FNDC3B: variants seen among roughly 807,000 people sequenced by gnomAD.
FNDC3B encodes fibronectin type III domain-containing protein 3B.
In FNDC3B, 12 loss-of-function variants were observed where a neutral mutation model predicts 151.5. The observed-to-expected ratio is 0.08, with a 90% confidence interval of 0.05 to 0.13. The LOEUF (loss-of-function observed/expected upper bound fraction) is 0.13, where lower values mean the gene tolerates loss of function less well. FNDC3B is among the 10% of genes least tolerant of loss of function. The probability of loss-of-function intolerance (pLI) is 1.00; values close to 1 mark genes in which losing one functional copy is unlikely to be tolerated. For synonymous variants in FNDC3B, 528 were observed against 549.0 expected (o/e 0.96, Z 0.54); for missense variants, 1,214 against 1,505.3 (o/e 0.81, Z 3.20).
At chr3:172,316,000 CTT>C (rs555242809) in intron 11 of FNDC3B, among the ~76,000 whole-genome samples, 5,748 of 79,476 alleles carry the variant, frequency 0.072, 133 homozygotes, top group East Asian at 0.25. Flanking sequence ...CTTTCTTCTT[CTT>C]TTTTTTTTTT....
intron 1 of FNDC3B, among the ~76,000 whole-genome samples, chr3:172,055,606 G>T (rs150485519): frequency 1.3e-4 from 20 of 152,190 alleles, no homozygotes; most frequent in African/African-American, 4.1e-4. Flanking sequence ...GATTATTTTA[G>T]CTTCATTTAG....
chr3:172,262,740 CA>C (rs1201754851), intron 6 of FNDC3B, among the ~76,000 whole-genome samples: 6 of 150,304 alleles, frequency 4.0e-5, no homozygotes, highest in Non-Finnish European at 5.9e-5. Context: ...CCATCTCTGA[CA>C]AAAAAAATTA....
At chr3:172,218,656 T>G (rs1726118760) in intron 3 of FNDC3B, among the ~76,000 whole-genome samples, 1 of 152,214 alleles carries the variant, frequency 6.6e-6, no homozygotes, top group African/African-American at 2.4e-5. Flanking sequence ...GCAACAACCC[T>G]TGAAATTAGC....
chr3:172,370,676 T>C (rs1264080443), intron 23 of FNDC3B, among the ~76,000 whole-genome samples: 2 of 152,254 alleles, frequency 1.3e-5, no homozygotes, highest in Non-Finnish European at 2.9e-5. Flanking sequence ...ATCTTTTTGC[T>C]CTTGAAAGCT....
chr3:172,191,517 G>C (rs944164318), intron 3 of FNDC3B, among the ~76,000 whole-genome samples: 1 of 152,066 alleles, frequency 6.6e-6, no homozygotes, highest in African/African-American at 2.4e-5. Context: ...GTTTTTAAGA[G>C]ATGAGGTCTC....
intron 9 of FNDC3B, chr3:172,301,938 G>A (rs1730930471): frequency 6.6e-6 from 1 of 152,192 alleles, no homozygotes. Context: ...ATGGAAGTCT[G>A]TAGAGCCAGT....
chr3:172,181,403 A>AAC (rs1553769904), intron 3 of FNDC3B, among the ~76,000 whole-genome samples: 1 of 145,608 alleles, frequency 6.9e-6, no homozygotes, highest in Admixed American at 7.1e-5. Context: ...TCCAAAAAAA[A>AAC]AAAAAAAAAA....
At chr3:172,152,264 A>G (rs955364844) in intron 3 of FNDC3B, among the ~76,000 whole-genome samples, 11 of 152,110 alleles carry the variant, frequency 7.2e-5, no homozygotes, top group African/African-American at 2.7e-4. Flanking sequence ...CTTCATGCCC[A>G]TATTGCTGTA....
chr3:172,225,215 G>A (rs892357673), intron 3 of FNDC3B, among the ~76,000 whole-genome samples: 2 of 152,108 alleles, frequency 1.3e-5, no homozygotes, highest in Non-Finnish European at 1.5e-5. Flanking sequence ...TGCTCTGTGC[G>A]CAGGCTGGAG....
intron 1 of FNDC3B, among the ~76,000 whole-genome samples, chr3:172,092,620 G>T (rs926327475): frequency 3.9e-5 from 6 of 152,138 alleles, no homozygotes; most frequent in Non-Finnish European, 8.8e-5. Context: ...TCTCTGTAGA[G>T]GTTACTGTGA....
chr3:172,051,435 G>A (rs1716649761), intron 1 of FNDC3B, among the ~76,000 whole-genome samples: 1 of 152,038 alleles, frequency 6.6e-6, no homozygotes, highest in Non-Finnish European at 1.5e-5. Context: ...TCTTTTAATC[G>A]TGGGTACACA....
chr3:172,185,198 T>C (rs1480613986), intron 3 of FNDC3B, among the ~76,000 whole-genome samples: 1 of 152,188 alleles, frequency 6.6e-6, no homozygotes, highest in Non-Finnish European at 1.5e-5. Context: ...TTATAACTCC[T>C]TTCACATGAC....
At chr3:172,281,972 C>A (rs902259249) in intron 6 of FNDC3B, among the ~76,000 whole-genome samples, 4 of 149,842 alleles carry the variant, frequency 2.7e-5, no homozygotes, top group African/African-American at 9.9e-5. Flanking sequence ...CTCTGACATA[C>A]ACTCTTTGTA....
rs1028909464 is a variant in FNDC3B, at chr3:172,300,957, C to T, written c.1061+2170C>T. ...GGCTAGAGAAGAATCTTAACACTTG[C>T]AACTCTTATTTAGATGTAGCTTCCT... On this transcript the variant is annotated intron_variant, in intron 9 of 25. Coordinates refer to ENST00000415807, the MANE Select transcript of FNDC3B (RefSeq NM_022763.4). Among the ~76,000 whole-genome samples the T allele has an allele frequency of 5.3e-5, 8 of 152,166 alleles. 1 individual carries two copies. Among genetic ancestry groups the T allele is most frequent in the Non-Finnish European group, 7.3e-5 (5 of 68,038 alleles).
chr3:172,329,377 T>G (rs1732520217), intron 12 of FNDC3B: 3 of 301,064 alleles, frequency 1.0e-5, no homozygotes, highest in Admixed American at 1.0e-4. Context: ...ATTTTTTAGA[T>G]CACATGCCTT....
At chr3:172,082,708 G>C (rs16856911) in intron 1 of FNDC3B, among the ~76,000 whole-genome samples, 9,248 of 152,246 alleles carry the variant, frequency 0.061, 414 homozygotes, top group East Asian at 0.2. Flanking sequence ...TGGGTAAACA[G>C]ATTCAGGCCC....
At chr3:172,258,118 A>G (rs1203433708) in intron 6 of FNDC3B, among the ~76,000 whole-genome samples, 1 of 152,194 alleles carries the variant, frequency 6.6e-6, no homozygotes, top group Non-Finnish European at 1.5e-5. Flanking sequence ...ATACTGCCAT[A>G]TGGGAAAAAT....
At chr3:172,323,778 A>C (rs1178434899) in intron 11 of FNDC3B, among the ~76,000 whole-genome samples, 2 of 152,164 alleles carry the variant, frequency 1.3e-5, no homozygotes, top group Admixed American at 1.3e-4. Context: ...AGAATTTAGC[A>C]GGACCCTGTA....
At position 172,181,395 on chromosome 3, in the gene FNDC3B, C is replaced by CAAAAAAAA. The variant is rs755223783; in HGVS notation, c.188-45464_188-45457dup. Among the ~76,000 whole-genome samples, 11 of 71,528 alleles carry CAAAAAAAA rather than the reference C, an allele frequency of 1.5e-4. 1 individual carries two copies. The highest frequency in any genetic ancestry group is 6.9e-4 in the African/African-American group (11 of 16,032). 46.9% of individuals were successfully genotyped at this position (71,528 alleles called of 152,430 possible). A position where few individuals can be genotyped will look rare whatever the true frequency, so the allele number is the denominator to read the frequency against. On this transcript the variant is annotated intron_variant, in intron 3 of 25. Coordinates refer to ENST00000415807, the MANE Select transcript of FNDC3B (RefSeq NM_022763.4). ...GGGTGCCAGAGTGAGACTCTGTCTC[C>CAAAAAAAA]AAAAAAAAAAAAAAAAAAACAAAAA... is the stretch of plus-strand genomic sequence containing the variant.
Sources: allele counts gnomAD v4.1 joint callset (sites outside exome capture counted in the v4.1 genomes callset), GRCh38; gene constraint gnomAD v4.1.1; transcripts MANE v1.5; gene names NCBI Gene and HGNC (gene_info 2026-07-23, HGNC 2026-07-21).